The following POM121C variants were observed in gnomAD, a reference collection of about 807,000 sequenced individuals.
The protein encoded by POM121C is POM121 transmembrane nucleoporin C.
A neutral mutation model predicts 66.4 loss-of-function variants in POM121C; 20 were observed. The observed-to-expected ratio is 0.30, with a 90% CI of 0.21 to 0.44. POM121C has a LOEUF of 0.44. Among genes scored for constraint, POM121C ranks in the 20% least tolerant of loss-of-function variants. The probability of loss-of-function intolerance (pLI) is 1.00; values close to 1 mark genes in which losing one functional copy is unlikely to be tolerated. For missense variants in POM121C, 580 were observed against 1,225.7 expected, an observed-to-expected ratio of 0.47 and a Z score of 7.87; for synonymous variants, 286 against 528.0, an observed-to-expected ratio of 0.54 and a Z score of 6.28.
chr7:75,457,757 C>T (rs1460984407), intron 3 of POM121C, among the ~76,000 whole-genome samples: 8 of 152,244 alleles, frequency 5.3e-5, no homozygotes, highest in South Asian at 2.1e-4. Context: ...ACCCATTTCC[C>T]GTTCCCCGTC....
At chr7:75,469,661 C>T (rs1249537549) in intron 3 of POM121C, among the ~76,000 whole-genome samples, 1 of 152,222 alleles carries the variant, frequency 6.6e-6, no homozygotes, top group African/African-American at 2.4e-5. Flanking sequence ...ATGATCCTCA[C>T]CAAGGCATGA....
intron 3 of POM121C, among the ~76,000 whole-genome samples, chr7:75,456,047 C>T (rs1244540379): frequency 6.6e-6 from 1 of 152,168 alleles, no homozygotes; most frequent in Non-Finnish European, 1.5e-5. Flanking sequence ...TTAGCCTGGG[C>T]AACATAGCAG....
rs1226378760 is a variant in POM121C at position 75,469,844 on chromosome 7, CT to C, written c.-152+4859del. Among the ~76,000 whole-genome samples the C allele has an allele frequency of 2.6e-5, 4 of 152,204 alleles. No individual in the cohort carries two copies. The East Asian group carries it at 5.8e-4, about 22-fold the overall frequency. On this transcript the variant is annotated intron_variant, in intron 3 of 14. Coordinates refer to ENST00000615331, the MANE Select transcript of POM121C (RefSeq NM_001099415.3). Reference sequence around the variant, plus strand: ...CTGTCTCTCCACCTCCTTCAGCTCTCTAAGTATCTTATCAGTGAGTCCTTTC... The same window carrying C: ...CTGTCTCTCCACCTCCTTCAGCTCTCAAGTATCTTATCAGTGAGTCCTTTC...
At chr7:75,432,087 G>A (rs1554472430) in intron 7 of POM121C, among the ~76,000 whole-genome samples, 1 of 151,592 alleles carries the variant, frequency 6.6e-6, no homozygotes, top group African/African-American at 2.4e-5. Flanking sequence ...TAGGGAGGCT[G>A]AGGCAGCAGA....
chr7:75,437,663 A>G lies in POM121C; in HGVS notation c.332T>C (p.Leu111Pro). Residue 111 changes from leucine (L) to proline (P), a missense_variant, in exon 7 of 15, where the codon CTC becomes CCC. By Grantham distance (98) the Leu-to-Pro change is moderately conservative (BLOSUM62 -3). Transcript: ENST00000615331. ...VPKPGSLKRG[L>P]NSQSSDDHLN... is the part of the protein sequence containing the mutation. ...GTGGTCATCTGAGCTCTGAGAATTG[A>G]GGCCTCTCTTCAGAGACCCAGGCCT... 1.2e-6 allele frequency: 2 copies of G among 1,612,242 alleles called. No homozygotes were observed. The highest frequency in any genetic ancestry group is 1.7e-6 in the Non-Finnish European group (2 of 1,178,758).
At chr7:75,473,329 GA>G (rs1404421811) in intron 3 of POM121C, among the ~76,000 whole-genome samples, 1 of 151,824 alleles carries the variant, frequency 6.6e-6, no homozygotes, top group Non-Finnish European at 1.5e-5. Context: ...CAAAAAAGTG[GA>G]AAATGGGTTC....
chr7:75,449,368 T>C (rs1409050322), intron 3 of POM121C, among the ~76,000 whole-genome samples: 37 of 144,778 alleles, frequency 2.6e-4, no homozygotes, highest in East Asian at 8.1e-4. Flanking sequence ...TTCTCTCTCT[T>C]TTTTTTTTTT....
At chr7:75,446,830 A>T (rs1790826115) in intron 3 of POM121C, among the ~76,000 whole-genome samples, 1 of 151,042 alleles carries the variant, frequency 6.6e-6, no homozygotes, top group Admixed American at 6.6e-5. Context: ...TACCACGGTG[A>T]AACGCCATCT....
At position 75,418,411 on chromosome 7, in the gene POM121C, G is replaced by A. The variant is rs782450940; in HGVS notation, c.*385C>T. ...CAAATCCCATCAGGTGCACACCACC[G>A]ATCCAGGCGGGCTGGACCCTGCCCC... On this transcript the variant is annotated 3_prime_UTR_variant, in exon 15 of 15. Transcript: ENST00000615331. 1.1e-5 allele frequency: 11 copies of A among 1,017,282 alleles called. No homozygotes were observed. The highest frequency in any genetic ancestry group is 6.9e-5 in the African/African-American group (4 of 58,224). The allele number at this position is 1,017,282 out of a possible 1,614,324, so 63.0% of individuals were successfully genotyped here.
intron 12 of POM121C, among the ~76,000 whole-genome samples, chr7:75,423,611 T>C (rs1476300052): frequency 6.6e-6 from 1 of 151,676 alleles, no homozygotes; most frequent in Non-Finnish European, 1.5e-5. Context: ...GGTTACCGTC[T>C]GATAAAGAGG....
intron 1 of POM121C, among the ~76,000 whole-genome samples, chr7:75,479,969 CAAAG>C (rs587610838): frequency 0.012 from 1,771 of 150,840 alleles, 40 homozygotes; most frequent in African/African-American, 0.04. Context: ...TAAAAAGAAA[CAAAG>C]AAGATGAGAC....
At chr7:75,460,821 T>C (rs1325250315) in intron 3 of POM121C, among the ~76,000 whole-genome samples, 1 of 152,160 alleles carries the variant, frequency 6.6e-6, no homozygotes, top group African/African-American at 2.4e-5. Flanking sequence ...GTTCTGCACC[T>C]TGGTGGGTCC....
chr7:75,486,146 C>A lies in POM121C; in HGVS notation c.-740G>T, dbSNP rs1792537728. ...AGCTCGAGCCTCTACCCGGCCCGCG[C>A]GAACCCTGGGCCGCACAGCTCCCGC... On this transcript the variant is annotated 5_prime_UTR_variant, in exon 1 of 15. Transcript: ENST00000615331. 3.0e-6 allele frequency: 1 copy of A among 334,836 alleles called. No homozygotes were observed. The allele number at this position is 334,836 out of a possible 1,614,324, so 20.7% of individuals were successfully genotyped here. A position where few individuals can be genotyped will look rare whatever the true frequency, so the allele number is the denominator to read the frequency against.
At chr7:75,443,499 A>G (rs1790737340) in intron 3 of POM121C, among the ~76,000 whole-genome samples, 1 of 151,764 alleles carries the variant, frequency 6.6e-6, no homozygotes, top group Non-Finnish European at 1.5e-5. Context: ...TCAGACATTC[A>G]TTCATTGATT....
chr7:75,424,252 T>A (rs1410258970), intron 11 of POM121C, 27 bp from the exon 12 acceptor site: 2 of 1,607,892 alleles, frequency 1.2e-6, no homozygotes, highest in Non-Finnish European at 1.7e-6. Flanking sequence ...GGTGAAGCAG[T>A]CCTGGCTTGT....
intron 3 of POM121C, among the ~76,000 whole-genome samples, chr7:75,464,696 G>T (rs1173892188): frequency 3.4e-5 from 5 of 146,418 alleles, no homozygotes; most frequent in Non-Finnish European, 6.0e-5. Flanking sequence ...AAGCTGAAAA[G>T]TATACAAAAA....
intron 14 of POM121C, 87 bp downstream of exon 14, chr7:75,419,233 C>T (rs1455664620): frequency 5.9e-5 from 88 of 1,494,900 alleles, no homozygotes; most frequent in Middle Eastern, 2.1e-4. Flanking sequence ...CTGATCTTCA[C>T]GGGGCCTCAG....
At chr7:75,432,268 A>G (rs1432326912) in intron 7 of POM121C, among the ~76,000 whole-genome samples, 2 of 152,200 alleles carry the variant, frequency 1.3e-5, no homozygotes, top group East Asian at 3.9e-4. Context: ...GACTTAGACA[A>G]TTATCTATAG....
intron 7 of POM121C, among the ~76,000 whole-genome samples, chr7:75,431,721 T>C (rs2116369794): frequency 6.7e-6 from 1 of 149,810 alleles, no homozygotes; most frequent in African/African-American, 2.5e-5. Context: ...AAGGCTAAAG[T>C]GGGCAGGTTA....
Sources: allele counts gnomAD v4.1 joint callset (sites outside exome capture counted in the v4.1 genomes callset), GRCh38; gene constraint gnomAD v4.1.1; transcripts MANE v1.5; gene names NCBI Gene and HGNC (gene_info 2026-07-23, HGNC 2026-07-21).